Variants in APLF observed in about 807,000 individuals in gnomAD.
APLF encodes the protein aprataxin and PNKP like factor.
In APLF, 61 loss-of-function variants were observed where a neutral mutation model predicts 55.6. The ratio of observed to expected loss-of-function variants is 1.10; its 90% CI spans 0.89 to 1.36. APLF has a LOEUF of 1.36. APLF is among the 40% of genes most tolerant of loss of function. The pLI is 0.00. For missense variants in APLF, 611 were observed against 602.5 expected (o/e 1.01, Z -0.15); for synonymous variants, 207 against 214.8 (o/e 0.96, Z 0.32).
chr2:68,524,928 C>G (rs961998900), intron 5 of APLF, among the ~76,000 whole-genome samples: 6 of 152,134 alleles, frequency 3.9e-5, no homozygotes, highest in Non-Finnish European at 7.4e-5. Context: ...CTGCATTAAA[C>G]TTTGGGTATT....
intron 7 of APLF, among the ~76,000 whole-genome samples, 172 bp downstream of exon 7, chr2:68,538,399 T>C (rs1445585793): frequency 6.6e-6 from 1 of 152,172 alleles, no homozygotes; most frequent in East Asian, 1.9e-4. Flanking sequence ...GAAAATCCTT[T>C]TAAGGCTTTT....
chr2:68,515,926 AGT>A (rs1256198141), intron 5 of APLF, among the ~76,000 whole-genome samples: 2 of 151,768 alleles, frequency 1.3e-5, no homozygotes, highest in African/African-American at 4.8e-5. Flanking sequence ...TGTTTGTTTA[AGT>A]AATAAATGAT....
chr2:68,489,742 C>T (rs542500542), intron 1 of APLF, among the ~76,000 whole-genome samples: 33 of 152,316 alleles, frequency 2.2e-4, no homozygotes, highest in African/African-American at 7.7e-4. Flanking sequence ...TAGTCAGACC[C>T]TTTTACACTT....
intron 8 of APLF, among the ~76,000 whole-genome samples, chr2:68,545,934 A>G (rs1457880400): frequency 1.3e-5 from 2 of 152,096 alleles, no homozygotes; most frequent in Non-Finnish European, 2.9e-5. Flanking sequence ...AATGAAACAA[A>G]CTATCAAAGA....
chr2:68,493,924 T>C (rs1420705863), intron 2 of APLF, among the ~76,000 whole-genome samples: 1 of 151,850 alleles, frequency 6.6e-6, no homozygotes, highest in African/African-American at 2.4e-5. Context: ...CTGGCTAACA[T>C]GGTGAAACCC....
rs1226889341 is a variant in APLF, at chr2:68,538,924, A to G, written c.1160+697A>G. Among the ~76,000 whole-genome samples the G allele has an allele frequency of 6.6e-5, 10 of 152,278 alleles. No individual in the cohort carries two copies. In the East Asian group the frequency reaches 1.5e-3, roughly 23 times the overall value. ...TTTCCAGTAGTTTGTCTTCTGTGTC[A>G]ATAAGACACTAGTCAGCATGTATAC... On this transcript the variant is annotated intron_variant, in intron 7 of 9. Coordinates refer to ENST00000303795, the MANE Select transcript of APLF (RefSeq NM_173545.3).
At chr2:68,559,978 T>A (rs911175205) in intron 8 of APLF, among the ~76,000 whole-genome samples, 1 of 152,144 alleles carries the variant, frequency 6.6e-6, no homozygotes, top group Non-Finnish European at 1.5e-5. Flanking sequence ...TCATTATGTT[T>A]TTGTGTTTTA....
At chr2:68,518,436 A>ATATATAATAATATATTATATAT (rs1558539484) in intron 5 of APLF, among the ~76,000 whole-genome samples, 1 of 109,908 alleles carries the variant, frequency 9.1e-6, no homozygotes, top group Admixed American at 1.1e-4. Flanking sequence ...TTATTATATA[A>ATATATAATAATATATTATATAT]TATATAATAA....
At chr2:68,548,287 C>T (rs1670761649) in intron 8 of APLF, among the ~76,000 whole-genome samples, 1 of 151,682 alleles carries the variant, frequency 6.6e-6, no homozygotes, top group African/African-American at 2.4e-5. Flanking sequence ...TCCATCAGTA[C>T]ACAACATTAA....
chr2:68,538,270 A>G, intron 7 of APLF, 43 bp downstream of exon 7: 1 of 1,516,772 alleles, frequency 6.6e-7, no homozygotes, highest in Non-Finnish European at 8.9e-7. Flanking sequence ...TTATTTTGAT[A>G]GCGTGTAGCT....
At chr2:68,493,819 C>G (rs537412538) in intron 2 of APLF, among the ~76,000 whole-genome samples, 1 of 152,098 alleles carries the variant, frequency 6.6e-6, no homozygotes, top group African/African-American at 2.4e-5. Flanking sequence ...CAAAAATTAG[C>G]CAGGCGTGGC....
intron 2 of APLF, among the ~76,000 whole-genome samples, chr2:68,499,210 T>A (rs904632502): frequency 1.3e-5 from 2 of 152,212 alleles, no homozygotes; most frequent in Admixed American, 6.5e-5. Context: ...TATAGCATGA[T>A]CTGTTGAAGT....
chr2:68,538,379 A>T (rs1670456454), intron 7 of APLF, 152 bp downstream of exon 7: 1 of 663,030 alleles, frequency 1.5e-6, no homozygotes, highest in Admixed American at 3.6e-5. Flanking sequence ...CTTCCTCAGT[A>T]TATTTTCTAG....
chr2:68,537,841 A>C (rs1670438800), intron 6 of APLF, 31 bp from the exon 7 acceptor site: 4 of 1,446,644 alleles, frequency 2.8e-6, no homozygotes, highest in Non-Finnish European at 3.8e-6. Flanking sequence ...TGTTTCATTT[A>C]TTTCTGATGT....
intron 9 of APLF, among the ~76,000 whole-genome samples, chr2:68,569,356 G>A (rs931500721): frequency 6.6e-6 from 1 of 152,104 alleles, no homozygotes. Flanking sequence ...CTTTAAGATG[G>A]TAGGATTTCA....
chr2:68,472,261 G>A (rs953626923), intron 1 of APLF, among the ~76,000 whole-genome samples: 2 of 152,150 alleles, frequency 1.3e-5, no homozygotes, highest in African/African-American at 4.8e-5. Context: ...AGGAAGGAAG[G>A]AAAACAAAGG....
chr2:68,544,880 T>C (rs1670656370), intron 7 of APLF, among the ~76,000 whole-genome samples: 1 of 152,180 alleles, frequency 6.6e-6, no homozygotes, highest in African/African-American at 2.4e-5. Flanking sequence ...ATATTTATGT[T>C]ATATGCTTAC....
chr2:68,496,259 G>A (rs1187872808), intron 2 of APLF, among the ~76,000 whole-genome samples: 3 of 152,002 alleles, frequency 2.0e-5, no homozygotes, highest in South Asian at 2.1e-4. Flanking sequence ...GTGTCACCAC[G>A]CCCGGCTAAT....
At chr2:68,484,627 G>T (rs982923647) in intron 1 of APLF, among the ~76,000 whole-genome samples, 35 of 151,256 alleles carry the variant, frequency 2.3e-4, no homozygotes, top group Admixed American at 2.1e-3. Flanking sequence ...GGGAGGCAGA[G>T]TTTACAGTGA....
Sources: allele counts gnomAD v4.1 joint callset (sites outside exome capture counted in the v4.1 genomes callset), GRCh38; gene constraint gnomAD v4.1.1; transcripts MANE v1.5; gene names NCBI Gene and HGNC (gene_info 2026-07-23, HGNC 2026-07-21).